Variants in CLSTN1 observed in about 807,000 individuals in gnomAD.
CLSTN1 encodes the protein calsyntenin 1, also known as calsyntenin-1.
CLSTN1 carries 28 observed loss-of-function variants against 108.3 expected under a neutral mutation model. The observed-to-expected ratio is 0.26, with a 90% CI of 0.19 to 0.35. The LOEUF (loss-of-function observed/expected upper bound fraction) is 0.35. CLSTN1 is among the 10% of genes least tolerant of loss of function. The pLI, the probability that CLSTN1 is intolerant of heterozygous loss-of-function variation, is 1.00. For missense variants in CLSTN1, 1,157 were observed against 1,302.6 expected, an observed-to-expected ratio of 0.89 and a Z score of 1.72; for synonymous variants, 524 against 534.9, an observed-to-expected ratio of 0.98 and a Z score of 0.28.
At chr1:9,757,638 T>C (rs1342928868) in intron 2 of CLSTN1, among the ~76,000 whole-genome samples, 2 of 152,206 alleles carry the variant, frequency 1.3e-5, no homozygotes, top group African/African-American at 4.8e-5. Flanking sequence ...TAAACCCCTC[T>C]GCTAATGGAA....
intron 1 of CLSTN1, among the ~76,000 whole-genome samples, chr1:9,813,827 C>T (rs1371003077): frequency 2.0e-5 from 3 of 152,104 alleles, no homozygotes; most frequent in South Asian, 2.1e-4. Flanking sequence ...TGGCTGGGCG[C>T]GGTGGCTCGC....
intron 2 of CLSTN1, among the ~76,000 whole-genome samples, chr1:9,757,572 C>G (rs1422740437): frequency 6.6e-6 from 1 of 152,102 alleles, no homozygotes; most frequent in Non-Finnish European, 1.5e-5. Flanking sequence ...TGTTCTTGAA[C>G]TGAAAAAAAT....
At chr1:9,773,137 C>G in intron 2 of CLSTN1, 135 bp downstream of exon 2, 2 of 1,201,502 alleles carry the variant, frequency 1.7e-6, no homozygotes, top group Non-Finnish European at 2.3e-6. Context: ...AAAAAACATG[C>G]TACAAAGGAC....
At chr1:9,775,268 C>A (rs1306191656) in intron 1 of CLSTN1, among the ~76,000 whole-genome samples, 1 of 151,850 alleles carries the variant, frequency 6.6e-6, no homozygotes, top group African/African-American at 2.4e-5. Flanking sequence ...AAGATGGAGT[C>A]GCTCTGGTTC....
chr1:9,762,447 C>T (rs577534102), intron 2 of CLSTN1, among the ~76,000 whole-genome samples: 13 of 147,316 alleles, frequency 8.8e-5, no homozygotes, highest in Non-Finnish European at 1.6e-4. Context: ...GGCGACAGAG[C>T]GAGACTCTGT....
chr1:9,740,113 GC>G lies in CLSTN1; in HGVS notation c.1519+980del, dbSNP rs138219759. Among the ~76,000 whole-genome samples the G allele has an allele frequency of 8.2e-3, 1,247 of 152,070 alleles. 9 individuals are homozygous for G. The highest frequency in any genetic ancestry group is 0.037 in the Middle Eastern group (11 of 294). On this transcript the variant is annotated intron_variant, in intron 10 of 18. Coordinates refer to ENST00000377298, the MANE Select transcript of CLSTN1 (RefSeq NM_001009566.3). ...TTACAGGCGTGAGCCACCGCGCCCG[GC>G]CAATAGGGCATTCTTGGCTCATGCA...
chr1:9,810,151 A>AGGG (rs1166452506), intron 1 of CLSTN1, among the ~76,000 whole-genome samples: 2 of 3,364 alleles, frequency 5.9e-4, no homozygotes, highest in African/African-American at 2.5e-3. Flanking sequence ...AAAGGAGGGG[A>AGGG]AGGAGGGGAG....
At chr1:9,748,708 C>T (rs140748391) in intron 7 of CLSTN1, among the ~76,000 whole-genome samples, 141 of 152,196 alleles carry the variant, frequency 9.3e-4, no homozygotes, top group African/African-American at 3.2e-3. Flanking sequence ...AGGCTGGTCT[C>T]GAACTCCTGA....
intron 4 of CLSTN1, among the ~76,000 whole-genome samples, chr1:9,753,786 C>T (rs577978562): frequency 8.6e-5 from 13 of 151,326 alleles, no homozygotes; most frequent in Non-Finnish European, 1.3e-4. Context: ...GGATTACAGG[C>T]GTGAGCCACC....
At chr1:9,810,167 GAGGGAAGGCAGGCAAGCAGGC>G (rs1241375304) in intron 1 of CLSTN1, among the ~76,000 whole-genome samples, 1 of 141,322 alleles carries the variant, frequency 7.1e-6, no homozygotes, top group Admixed American at 7.1e-5. Context: ...GGGAGGAAGG[GAGGGAAGGCAGGCAAGCAGGC>G]AGGCAGGCAG....
At chr1:9,760,778 C>T (rs956731632) in intron 2 of CLSTN1, among the ~76,000 whole-genome samples, 2 of 150,766 alleles carry the variant, frequency 1.3e-5, no homozygotes, top group African/African-American at 4.9e-5. Flanking sequence ...ATCCACCTGC[C>T]TCAGCCTCCC....
At chr1:9,753,799 G>A (rs906743459) in intron 4 of CLSTN1, among the ~76,000 whole-genome samples, 10 of 149,886 alleles carry the variant, frequency 6.7e-5, no homozygotes, top group Non-Finnish European at 1.0e-4. Context: ...GAGCCACCGT[G>A]CCTGGCCAAT....
Position 9,737,375 on chromosome 1 carries a change from G to C in CLSTN1, c.1576+123C>G, listed in dbSNP as rs1650749728. The stretch of plus-strand genomic sequence containing the variant: ...AAGCAATGGGGAAGCGCAATGCAGG[G>C]AAGCAGCTCAGATGGTGTCCAGGAC... On this transcript the variant is annotated intron_variant, in intron 11 of 18. Coordinates refer to ENST00000377298, the MANE Select transcript of CLSTN1 (RefSeq NM_001009566.3). 8.4e-6 allele frequency: 7 copies of C among 835,028 alleles called. No homozygotes were observed. In the East Asian group the frequency reaches 1.7e-4, roughly 20 times the overall value. The allele number at this position is 835,028 out of a possible 1,614,324, so 51.7% of individuals were successfully genotyped here. A position where few individuals can be genotyped will look rare whatever the true frequency, so the allele number is the denominator to read the frequency against.
In CLSTN1 at chr1:9,755,183, T is replaced by C. The variant is rs1373154130; in HGVS notation, c.371A>G (p.Tyr124Cys). ...EKLDCELQKD[Y>C]SFTIQAYDCG... ...ATCATAGGCCTGGATGGTGAATGAA[T>C]AGTCTTTCTGCAGCTCACAGTCCAG... Residue 124 changes from tyrosine (Y) to cysteine (C), a missense_variant, in exon 4 of 19, where the codon TAT (tyrosine) becomes TGT (cysteine). Physicochemically the swap from Tyr to Cys is radical, Grantham distance 194. Transcript: ENST00000377298. The C allele has an allele frequency of 5.0e-6, 8 of 1,614,154 alleles. No individual in the cohort carries two copies. Among genetic ancestry groups the C allele is most frequent in the South Asian group, 1.1e-5 (1 of 91,086 alleles).
At chr1:9,798,947 G>A (rs1053652882) in intron 1 of CLSTN1, among the ~76,000 whole-genome samples, 1 of 152,136 alleles carries the variant, frequency 6.6e-6, no homozygotes, top group Non-Finnish European at 1.5e-5. Context: ...TTGGGAGGGC[G>A]GGGCAGGAGG....
Position 9,737,580 on chromosome 1 carries a change from T to C in CLSTN1, c.1520-26A>G, listed in dbSNP as rs752312982. The C allele has an allele frequency of 8.1e-6, 13 of 1,609,654 alleles. No individual in the cohort carries two copies. The Admixed American group carries it at 8.3e-5, about 10-fold the overall frequency. ...CTGTGGAAAAGCAAGACAAAGACAA[T>C]AGAAAAGGACTGAGAGGTTAGGGTC... On this transcript the variant is annotated intron_variant, in intron 10 of 18. Coordinates refer to ENST00000377298, the MANE Select transcript of CLSTN1 (RefSeq NM_001009566.3).
chr1:9,737,077 C>CA lies in CLSTN1; in HGVS notation c.1576+420dup, dbSNP rs575605558. Among the ~76,000 whole-genome samples the CA allele has an allele frequency of 6.5e-3, 935 of 144,840 alleles. 10 individuals carry two copies. Among genetic ancestry groups the CA allele is most frequent in the African/African-American group, 0.022 (850 of 39,492 alleles). On this transcript the variant is annotated intron_variant, in intron 11 of 18. Coordinates refer to ENST00000377298, the MANE Select transcript of CLSTN1 (RefSeq NM_001009566.3). ...AACAGAGCGGGACTCCATCTCAAAA[C>CA]AAAAAAAAAAGAGAGACGTCTATTT... is the stretch of plus-strand genomic sequence containing the variant.
intron 2 of CLSTN1, among the ~76,000 whole-genome samples, chr1:9,767,340 C>T (rs900573709): frequency 6.6e-6 from 1 of 152,078 alleles, no homozygotes; most frequent in African/African-American, 2.4e-5. Flanking sequence ...CTCAGGAGTT[C>T]GTAACCAGCC....
At chr1:9,807,889 T>C (rs1401600815) in intron 1 of CLSTN1, among the ~76,000 whole-genome samples, 2 of 152,248 alleles carry the variant, frequency 1.3e-5, no homozygotes, top group African/African-American at 2.4e-5. Context: ...CCCCAGGAAC[T>C]AGGCTTCTGC....
Sources: gnomAD v4.1 joint callset for allele counts (sites outside exome capture counted in the v4.1 genomes callset) on GRCh38, gnomAD v4.1.1 for gene constraint, MANE v1.5 for transcripts, NCBI Gene and HGNC (gene_info 2026-07-23, HGNC 2026-07-21) for gene names.